Variants in NNT observed in about 807,000 individuals in gnomAD.
NNT encodes NAD(P) transhydrogenase, mitochondrial.
In NNT, 50 loss-of-function variants were observed where a neutral mutation model predicts 104.8. The observed-to-expected ratio is 0.48, with a 90% CI of 0.38 to 0.60. The LOEUF is 0.60. NNT is among the 20% of genes least tolerant of loss of function. The probability of loss-of-function intolerance (pLI) is 0.00; values close to 1 mark genes in which losing one functional copy is unlikely to be tolerated. For missense variants in NNT, 1,131 were observed against 1,330.7 expected, an observed-to-expected ratio of 0.85 and a Z score of 2.33; for synonymous variants, 461 against 490.4, an observed-to-expected ratio of 0.94 and a Z score of 0.79.
At chr5:43,620,331 T>C (rs755505303) in intron 5 of NNT, among the ~76,000 whole-genome samples, 1 of 152,162 alleles carries the variant, frequency 6.6e-6, no homozygotes, top group South Asian at 2.1e-4. Context: ...GCCATTCTCC[T>C]GCCTCAGCCT....
At chr5:43,619,587 G>A (rs1749961865) in intron 5 of NNT, among the ~76,000 whole-genome samples, 1 of 152,128 alleles carries the variant, frequency 6.6e-6, no homozygotes, top group South Asian at 2.1e-4. Context: ...AATGGTGCCA[G>A]TTTCTTTAAT....
chr5:43,651,137 T>C (rs2111892208), intron 12 of NNT, among the ~76,000 whole-genome samples: 1 of 152,374 alleles, frequency 6.6e-6, no homozygotes, highest in East Asian at 1.9e-4. Flanking sequence ...CTTTGATCTT[T>C]CACATTCTCA....
intron 2 of NNT, among the ~76,000 whole-genome samples, chr5:43,611,907 G>A (rs1427745327): frequency 6.6e-6 from 1 of 152,106 alleles, no homozygotes; most frequent in Non-Finnish European, 1.5e-5. Flanking sequence ...ATATAAGATT[G>A]TACTATATAG....
At position 43,666,446 on chromosome 5, in the gene NNT, G is replaced by T. The variant is rs1740689165; in HGVS notation, c.2634+7096G>T. On this transcript the variant is annotated intron_variant, in intron 17 of 21. Transcript: ENST00000344920. ...TCTCCACCAAAAAATACGAAAACCA[G>T]TCAGGCGTGGCAGCGCGCGCCTGCA... Among the ~76,000 whole-genome samples the T allele has an allele frequency of 5.9e-5, 9 of 152,294 alleles. No individual in the cohort carries two copies. The South Asian group carries it at 1.9e-3, about 32-fold the overall frequency.
intron 17 of NNT, among the ~76,000 whole-genome samples, chr5:43,668,417 A>G (rs1740841560): frequency 6.6e-6 from 1 of 152,118 alleles, no homozygotes; most frequent in Non-Finnish European, 1.5e-5. Flanking sequence ...TTTTAGGTCT[A>G]ACATTTAAGT....
At chr5:43,611,051 G>A (rs1347927100) in intron 2 of NNT, among the ~76,000 whole-genome samples, 3 of 151,174 alleles carry the variant, frequency 2.0e-5, no homozygotes, top group South Asian at 4.2e-4. Context: ...TTGCTTTCTT[G>A]CTTCTTTCCT....
At chr5:43,657,464 AC>A (rs1173302337) in intron 16 of NNT, among the ~76,000 whole-genome samples, 28 of 152,152 alleles carry the variant, frequency 1.8e-4, no homozygotes, top group African/African-American at 6.8e-4. Context: ...ATTCACTGTT[AC>A]TCATGTTCTT....
intron 18 of NNT, among the ~76,000 whole-genome samples, chr5:43,676,190 A>G (rs751610146): frequency 6.6e-5 from 10 of 152,172 alleles, no homozygotes; most frequent in Non-Finnish European, 1.3e-4. Context: ...CTAACAATCT[A>G]TGTGACATTG....
intron 5 of NNT, among the ~76,000 whole-genome samples, chr5:43,620,642 C>CCG (rs1750037724): frequency 6.6e-6 from 1 of 151,270 alleles, no homozygotes; most frequent in African/African-American, 2.5e-5. Flanking sequence ...TTTTGAAAAA[C>CCG]AGGCCAGGTG....
chr5:43,629,790 T>C (rs1158966022), intron 7 of NNT, among the ~76,000 whole-genome samples: 1 of 152,240 alleles, frequency 6.6e-6, no homozygotes, highest in Non-Finnish European at 1.5e-5. Context: ...GATAATTGTC[T>C]ATTCATGTCC....
intron 1 of NNT, among the ~76,000 whole-genome samples, chr5:43,607,027 G>T (rs895853210): frequency 6.7e-6 from 1 of 150,024 alleles, no homozygotes; most frequent in Non-Finnish European, 1.5e-5. Context: ...TTGCTCTCTC[G>T]CCCAGGCTGG....
intron 17 of NNT, among the ~76,000 whole-genome samples, chr5:43,673,369 C>T (rs779148102): frequency 3.9e-4 from 60 of 152,340 alleles, no homozygotes; most frequent in Non-Finnish European, 3.8e-4. Flanking sequence ...CCGTCTTCTG[C>T]GTCTCTCATG....
At chr5:43,648,206 A>C in intron 10 of NNT, 1 of 1,061,476 alleles carries the variant, frequency 9.4e-7, no homozygotes, top group Non-Finnish European at 1.1e-6. Context: ...TTAAAACTAC[A>C]GTCATATTGA....
At chr5:43,603,623 C>T (rs1320604892) in intron 1 of NNT, among the ~76,000 whole-genome samples, 4 of 152,084 alleles carry the variant, frequency 2.6e-5, no homozygotes, top group African/African-American at 9.7e-5. Context: ...TGTGCAGGTG[C>T]AGATATTTGC....
chr5:43,667,264 C>T (rs978166467), intron 17 of NNT: 1 of 758,156 alleles, frequency 1.3e-6, no homozygotes, highest in Non-Finnish European at 2.3e-6. Flanking sequence ...TCCCGAAGTG[C>T]CTAGAACCCT....
chr5:43,606,861 G>T (rs1249612702), intron 1 of NNT, among the ~76,000 whole-genome samples: 1 of 152,134 alleles, frequency 6.6e-6, no homozygotes, highest in East Asian at 1.9e-4. Flanking sequence ...TATATTTGTT[G>T]AATTAAGGGG....
rs1310128255 is a variant in NNT at position 43,656,724 on chromosome 5, G to A, written c.2365G>A (p.Val789Met). 2 of 1,614,180 alleles carry A rather than the reference G, an allele frequency of 1.2e-6. No individual in the cohort carries two copies. The highest frequency in any genetic ancestry group is 1.7e-6 in the Non-Finnish European group (2 of 1,180,018). Residue 789 changes from valine to methionine, a missense_variant, in exon 16 of 22, where the codon GTG becomes ATG. Physicochemically the swap from Val to Met is conservative, Grantham distance 21. Transcript: ENST00000344920. ...LLNAGLLAAS[V>M]GGIIPFMVDP... Reference sequence around the variant, plus strand: ...CAATGCAGGCTTACTGGCTGCTAGTGTGGGCGGGATAATCCCATTCATGGT... The same window carrying A: ...CAATGCAGGCTTACTGGCTGCTAGTATGGGCGGGATAATCCCATTCATGGT...
At chr5:43,685,277 C>T (rs1741924477) in intron 19 of NNT, among the ~76,000 whole-genome samples, 1 of 152,124 alleles carries the variant, frequency 6.6e-6, no homozygotes, top group Non-Finnish European at 1.5e-5. Flanking sequence ...TTATCATTAA[C>T]ATATTTAGAA....
chr5:43,624,689 T>C (rs927448232), intron 6 of NNT, among the ~76,000 whole-genome samples: 1 of 152,244 alleles, frequency 6.6e-6, no homozygotes, highest in African/African-American at 2.4e-5. Context: ...TGCAGACATA[T>C]ACACATTTTC....
Sources: gnomAD v4.1 joint callset for allele counts (sites outside exome capture counted in the v4.1 genomes callset) on GRCh38, gnomAD v4.1.1 for gene constraint, MANE v1.5 for transcripts, NCBI Gene and HGNC (gene_info 2026-07-23, HGNC 2026-07-21) for gene names.